Variants in ATP6V1B2 observed in about 807,000 individuals in gnomAD.
ATP6V1B2 encodes ATPase H+ transporting V1 subunit B2, also known as V-type proton ATPase subunit B, brain isoform.
Under a neutral mutation model 66.7 loss-of-function variants are expected in ATP6V1B2, and 23 were observed. That is an observed-to-expected ratio of 0.34 (90% CI 0.25 to 0.49). The LOEUF (loss-of-function observed/expected upper bound fraction) is 0.49. ATP6V1B2 is among the 20% of genes least tolerant of loss of function. The pLI, the probability that ATP6V1B2 is intolerant of heterozygous loss-of-function variation, is 0.99. For synonymous variants in ATP6V1B2, 278 were observed against 236.7 expected (o/e 1.17, Z -1.60); for missense variants, 478 against 650.8 (o/e 0.73, Z 2.89).
At chr8:20,204,561 G>A in intron 2 of ATP6V1B2, 22 bp downstream of exon 2, 1 of 1,589,452 alleles carries the variant, frequency 6.3e-7, no homozygotes, top group Non-Finnish European at 8.6e-7. Flanking sequence ...ATCTGTTTTG[G>A]TCTATTTATG....
At chr8:20,211,040 T>G in intron 5 of ATP6V1B2, 137 bp from the exon 6 acceptor site, 1 of 1,144,368 alleles carries the variant, frequency 8.7e-7, no homozygotes, top group Non-Finnish European at 1.2e-6. Context: ...AACTGATTTT[T>G]TTTGTAGTAA....
chr8:20,201,388 A>G (rs1301160965), intron 1 of ATP6V1B2, among the ~76,000 whole-genome samples: 1 of 152,184 alleles, frequency 6.6e-6, no homozygotes, highest in Non-Finnish European at 1.5e-5. Context: ...TGGGCTGTTA[A>G]TGGTAATGGT....
At chr8:20,209,159 G>T (rs2072767369) in intron 2 of ATP6V1B2, among the ~76,000 whole-genome samples, 1 of 152,142 alleles carries the variant, frequency 6.6e-6, no homozygotes, top group Non-Finnish European at 1.5e-5. Context: ...AAATATGCAT[G>T]CAGAGGAAAA....
chr8:20,219,108 G>A (rs567732347), intron 13 of ATP6V1B2, among the ~76,000 whole-genome samples: 24 of 152,258 alleles, frequency 1.6e-4, no homozygotes, highest in African/African-American at 5.8e-4. Context: ...CCTTAGTCCT[G>A]TATTTCTTAA....
intron 13 of ATP6V1B2, among the ~76,000 whole-genome samples, chr8:20,218,685 CTTAA>C (rs755659562): frequency 2.0e-5 from 3 of 152,162 alleles, no homozygotes; most frequent in Non-Finnish European, 4.4e-5. Flanking sequence ...CTTCCTGCCT[CTTAA>C]TTGTTAGTAA....
Position 20,197,410 on chromosome 8 carries a change from G to C in ATP6V1B2, c.4G>C (p.Ala2Pro). 6.5e-7 allele frequency: 1 copy of C among 1,540,978 alleles called. No homozygotes were observed. The highest frequency in any genetic ancestry group is 1.2e-5 in the South Asian group (1 of 84,576). Reference sequence around the variant, plus strand: ...CAGTCGGGACAGAGGAGACAAGATGGCGCTGCGGGCGATGCGGGGGATTGT... The same window carrying C: ...CAGTCGGGACAGAGGAGACAAGATGCCGCTGCGGGCGATGCGGGGGATTGT... MALRAMRGIVNG... is the reference protein window; with the variant it reads MPLRAMRGIVNG... The change falls in exon 1 of 14, where the codon GCG becomes CCG. Residue 2 changes from alanine to proline, a missense_variant. Physicochemically the swap from Ala to Pro is conservative, Grantham distance 27. Coordinates refer to ENST00000276390, the MANE Select transcript of ATP6V1B2 (RefSeq NM_001693.4).
chr8:20,203,409 T>C (rs573008364), intron 1 of ATP6V1B2, among the ~76,000 whole-genome samples: 15 of 152,348 alleles, frequency 9.8e-5, no homozygotes, highest in African/African-American at 3.4e-4. Flanking sequence ...CCAAAGCCAC[T>C]TGAGTGGACA....
At chr8:20,211,931 A>G (rs2072799313) in intron 7 of ATP6V1B2, among the ~76,000 whole-genome samples, 171 bp from the exon 8 acceptor site, 1 of 152,174 alleles carries the variant, frequency 6.6e-6, no homozygotes, top group Non-Finnish European at 1.5e-5. Context: ...TTTAAGAATA[A>G]TATTGTTTGT....
chr8:20,206,004 T>A (rs936031242), intron 2 of ATP6V1B2, among the ~76,000 whole-genome samples: 1 of 152,032 alleles, frequency 6.6e-6, no homozygotes, highest in Non-Finnish European at 1.5e-5. Context: ...AGAAAAAAAA[T>A]TTGATGAAAT....
At chr8:20,210,217 C>A in intron 3 of ATP6V1B2, 129 bp from the exon 4 acceptor site, 1 of 722,738 alleles carries the variant, frequency 1.4e-6, no homozygotes, top group Non-Finnish European at 2.2e-6. Flanking sequence ...TATTTCTTTG[C>A]TCATTATATC....
At chr8:20,217,113 G>T (rs2072862409) in intron 11 of ATP6V1B2, 107 bp from the exon 12 acceptor site, 4 of 924,924 alleles carry the variant, frequency 4.3e-6, no homozygotes, top group Non-Finnish European at 1.7e-6. Flanking sequence ...TGCAGCGGTT[G>T]TCTTTGATTT....
intron 5 of ATP6V1B2, 117 bp downstream of exon 5, chr8:20,210,763 T>C (rs2072785625): frequency 5.3e-6 from 3 of 561,012 alleles, no homozygotes; most frequent in Non-Finnish European, 9.0e-6. Context: ...GGCAACACGC[T>C]CCATAGGTTA....
At chr8:20,199,764 C>A (rs1036083561) in intron 1 of ATP6V1B2, among the ~76,000 whole-genome samples, 2 of 151,948 alleles carry the variant, frequency 1.3e-5, no homozygotes, top group African/African-American at 4.8e-5. Context: ...GCGCACGCCG[C>A]CATGCCCGGC....
intron 13 of ATP6V1B2, 44 bp from the exon 14 acceptor site, chr8:20,220,219 T>C: frequency 6.3e-7 from 1 of 1,593,670 alleles, no homozygotes; most frequent in Non-Finnish European, 8.5e-7. Flanking sequence ...CACTGCTAAG[T>C]TGGAAGTCAT....
intron 1 of ATP6V1B2, among the ~76,000 whole-genome samples, chr8:20,199,408 A>G (rs1301969385): frequency 6.6e-6 from 1 of 152,136 alleles, no homozygotes; most frequent in Non-Finnish European, 1.5e-5. Flanking sequence ...GTGGAATCAG[A>G]GCAGGGAGTT....
chr8:20,218,403 G>T, intron 13 of ATP6V1B2, 121 bp downstream of exon 13: 1 of 1,302,138 alleles, frequency 7.7e-7, no homozygotes, highest in Non-Finnish European at 1.0e-6. Context: ...TAGAGAAGAG[G>T]CTCTGTCACC....
intron 1 of ATP6V1B2, chr8:20,203,944 C>G (rs536349886): frequency 2.2e-6 from 1 of 454,246 alleles, no homozygotes; most frequent in Non-Finnish European, 4.4e-6. Flanking sequence ...TTAATTGTGG[C>G]TTTTTACCTT....
At chr8:20,211,467 C>T (rs1042836612) in intron 6 of ATP6V1B2, 151 bp downstream of exon 6, 12 of 1,298,756 alleles carry the variant, frequency 9.2e-6, no homozygotes, top group Non-Finnish European at 1.2e-5. Context: ...TTTATTTCTG[C>T]ACATGTCTTC....
intron 1 of ATP6V1B2, among the ~76,000 whole-genome samples, chr8:20,199,304 C>T (rs1462096021): frequency 6.6e-6 from 1 of 152,192 alleles, no homozygotes; most frequent in Non-Finnish European, 1.5e-5. Flanking sequence ...CACTGCCTAG[C>T]ACAGTGCCTG....
Sources: gnomAD v4.1 joint callset for allele counts (sites outside exome capture counted in the v4.1 genomes callset) on GRCh38, gnomAD v4.1.1 for gene constraint, MANE v1.5 for transcripts, NCBI Gene and HGNC (gene_info 2026-07-23, HGNC 2026-07-21) for gene names.